CEP162: variants seen among roughly 807,000 people sequenced by gnomAD.
CEP162 encodes the protein centrosomal protein of 162 kDa.
Under a neutral mutation model 169.2 loss-of-function variants are expected in CEP162, and 141 were observed. The observed-to-expected ratio is 0.83, with a 90% CI of 0.73 to 0.96. The LOEUF is 0.96. Ranked by LOEUF, CEP162 falls within the 40% of genes least tolerant of loss-of-function variation. The pLI is 0.00. For missense variants in CEP162, 1,600 were observed against 1,587.2 expected, an observed-to-expected ratio of 1.01 and a Z score of -0.14; for synonymous variants, 540 against 526.4, an observed-to-expected ratio of 1.03 and a Z score of -0.35.
rs780219619 is a variant in CEP162, at chr6:84,186,537, G to C, written c.1196C>G (p.Ser399Ter). ...GTCAAAAAAAAGGTTCACATGTTGT[G>C]AGTCTTGAGACAAAATATTTGGGTT... ...KMNPNILSQD[S>*]QHVNLFFDKN... The change falls in exon 12 of 27, where the codon TCA (serine) becomes TGA (stop). Residue 399 changes from serine (S) to a stop codon, truncating the protein, a stop_gained. Transcript: ENST00000403245. LOFTEE classifies it high-confidence loss of function. The C allele has an allele frequency of 1.6e-5, 26 of 1,612,748 alleles. No homozygotes were observed. Among genetic ancestry groups the C allele is most frequent in the Non-Finnish European group, 2.1e-5 (25 of 1,179,110 alleles).
chr6:84,208,570 T>C (rs1026117147), intron 6 of CEP162, among the ~76,000 whole-genome samples: 4 of 152,116 alleles, frequency 2.6e-5, no homozygotes, highest in African/African-American at 9.7e-5. Context: ...TTTGAGAGGG[T>C]TTGGGAGTGA....
chr6:84,168,996 T>C (rs1252138481), intron 18 of CEP162, among the ~76,000 whole-genome samples: 3 of 152,176 alleles, frequency 2.0e-5, no homozygotes, highest in African/African-American at 7.2e-5. Context: ...AGGAATTTGT[T>C]TGAAATAAGG....
intron 11 of CEP162, among the ~76,000 whole-genome samples, chr6:84,187,416 T>C (rs1018285321): frequency 3.3e-5 from 5 of 152,222 alleles, no homozygotes; most frequent in African/African-American, 7.2e-5. Context: ...ATAATGTAGA[T>C]TGGCTTCTTG....
In CEP162 at chr6:84,162,148, T is replaced by G. The variant is rs550952090; in HGVS notation, c.2513-239A>C. 7.0e-4 allele frequency among the ~76,000 whole-genome samples: 107 copies of G among 152,186 alleles called. No individual in the cohort carries two copies. The highest frequency in any genetic ancestry group is 1.3e-3 in the Non-Finnish European group (90 of 68,030). On this transcript the variant is annotated intron_variant, in intron 19 of 26. Transcript: ENST00000403245. The stretch of plus-strand genomic sequence containing the variant: ...ACCTTATATAGCAAAGTTGGCTATG[T>G]AGAAATTTTTGATAAATTATTTTCC...
Position 84,190,304 on chromosome 6 carries a change from C to T in CEP162, c.1109+3305G>A, listed in dbSNP as rs528566557. Among the ~76,000 whole-genome samples, 9 of 152,280 alleles carry T rather than the reference C, an allele frequency of 5.9e-5. No individual in the cohort carries two copies. In the South Asian group the frequency reaches 6.2e-4, roughly 11 times the overall value. On this transcript the variant is annotated intron_variant, in intron 11 of 26. Coordinates refer to ENST00000403245, the MANE Select transcript of CEP162 (RefSeq NM_014895.4). ...CAGGGATTGTAAACGCACCAATCAGCGCCCTGACAAAACAGGCCACTTGGC... is the reference window on the plus strand; with the variant it reads ...CAGGGATTGTAAACGCACCAATCAGTGCCCTGACAAAACAGGCCACTTGGC...
intron 3 of CEP162, among the ~76,000 whole-genome samples, chr6:84,218,277 G>C (rs1289480082): frequency 1.3e-5 from 2 of 152,188 alleles, no homozygotes; most frequent in Non-Finnish European, 2.9e-5. Context: ...CACATTTGCA[G>C]ATGCAAAAAG....
intron 23 of CEP162, among the ~76,000 whole-genome samples, chr6:84,150,013 A>T (rs1409626296): frequency 2.0e-5 from 3 of 152,132 alleles, no homozygotes; most frequent in Non-Finnish European, 4.4e-5. Flanking sequence ...AGCACTTGAC[A>T]TTTGATCTTT....
intron 16 of CEP162, 112 bp from the exon 17 acceptor site, chr6:84,171,830 G>T: frequency 2.4e-6 from 1 of 420,928 alleles, no homozygotes; most frequent in Non-Finnish European, 4.1e-6. Flanking sequence ...AGTTTCTTTA[G>T]CTTTTGCGTA....
At chr6:84,202,237 C>T (rs1172233676) in intron 7 of CEP162, among the ~76,000 whole-genome samples, 1 of 152,118 alleles carries the variant, frequency 6.6e-6, no homozygotes, top group Admixed American at 6.5e-5. Flanking sequence ...GAAAGACAGG[C>T]CACCAAACAG....
intron 3 of CEP162, 50 bp from the exon 4 acceptor site, chr6:84,215,972 T>C (rs1162896447): frequency 8.2e-6 from 12 of 1,470,918 alleles, no homozygotes; most frequent in East Asian, 7.5e-5. Flanking sequence ...AAGAATTGTT[T>C]TGGCCACTAT....
At chr6:84,133,413 C>T (rs559923358) in intron 25 of CEP162, among the ~76,000 whole-genome samples, 2 of 152,342 alleles carry the variant, frequency 1.3e-5, no homozygotes, top group Admixed American at 6.5e-5. Flanking sequence ...TTTAAGTCTG[C>T]AGAAGTTTCT....
chr6:84,170,438 A>T (rs2099529660), intron 17 of CEP162, among the ~76,000 whole-genome samples: 1 of 150,560 alleles, frequency 6.6e-6, no homozygotes, highest in Non-Finnish European at 1.5e-5. Flanking sequence ...ACCACTGTGC[A>T]GATTATCACA....
chr6:84,127,596 TGACTA>T (rs2099509477), intron 25 of CEP162, among the ~76,000 whole-genome samples: 1 of 152,160 alleles, frequency 6.6e-6, no homozygotes, highest in South Asian at 2.1e-4. Flanking sequence ...AAAAAACTAA[TGACTA>T]AACTAAGAAA....
In CEP162 at chr6:84,146,577, C is replaced by T. The variant is rs1248056212; in HGVS notation, c.3870+110G>A. On this transcript the variant is annotated intron_variant, in intron 25 of 26. Transcript: ENST00000403245. Reference sequence around the variant, plus strand: ...CTGCTAATATTTTCTTGACGTGATACTTTCAGGTTATATCTATTTGTACAT... The same window carrying T: ...CTGCTAATATTTTCTTGACGTGATATTTTCAGGTTATATCTATTTGTACAT... The T allele has an allele frequency of 5.8e-6, 3 of 517,112 alleles. No homozygotes were observed. In the African/African-American group the frequency reaches 5.9e-5, roughly 10 times the overall value. 32.0% of individuals were successfully genotyped at this position (517,112 alleles called of 1,614,324 possible). A position where few individuals can be genotyped will look rare whatever the true frequency, so the allele number is the denominator to read the frequency against.
In CEP162 at chr6:84,161,857, G is replaced by C; in HGVS notation, c.2565C>G (p.Ile855Met). 1 of 1,580,066 alleles carries C rather than the reference G, an allele frequency of 6.3e-7. No homozygotes were observed. The highest frequency in any genetic ancestry group is 1.3e-5 in the African/African-American group (1 of 74,112). The change falls in exon 20 of 27, where the codon ATC becomes ATG. Residue 855 changes from isoleucine (I) to methionine (M), a missense_variant. Transcript: ENST00000403245. The part of the protein sequence containing the change: ...KILEETHKQE[I>M]SRLQKRLQWY... ...ACTGTAATCTTTTTTGCAGACGACT[G>C]ATTTCTTGTTTATGTGTTTCTTCTA... is the stretch of plus-strand genomic sequence containing the variant.
At chr6:84,222,782 A>ACACG (rs1420028402) in intron 2 of CEP162, among the ~76,000 whole-genome samples, 1 of 152,242 alleles carries the variant, frequency 6.6e-6, no homozygotes, top group African/African-American at 2.4e-5. Flanking sequence ...GCACACACAC[A>ACACG]CACACACACA....
intron 18 of CEP162, among the ~76,000 whole-genome samples, chr6:84,168,469 A>G (rs2099528708): frequency 6.6e-6 from 1 of 152,116 alleles, no homozygotes; most frequent in African/African-American, 2.4e-5. Flanking sequence ...AAATAACTGG[A>G]ATTTTTCTAA....
intron 9 of CEP162, among the ~76,000 whole-genome samples, chr6:84,196,593 A>C (rs1240195639): frequency 1.3e-5 from 2 of 152,226 alleles, no homozygotes; most frequent in Non-Finnish European, 2.9e-5. Context: ...AATTAGAGGA[A>C]AATAATGAAT....
chr6:84,141,010 C>G (rs2099516360), intron 25 of CEP162, among the ~76,000 whole-genome samples: 1 of 152,184 alleles, frequency 6.6e-6, no homozygotes, highest in African/African-American at 2.4e-5. Context: ...ACCTAGATCA[C>G]TTGCATGTGC....
Sources: allele counts gnomAD v4.1 joint callset (sites outside exome capture counted in the v4.1 genomes callset), GRCh38; gene constraint gnomAD v4.1.1; transcripts MANE v1.5; gene names NCBI Gene and HGNC (gene_info 2026-07-23, HGNC 2026-07-21).